VPS41: variants seen among roughly 807,000 people sequenced by gnomAD.
VPS41 encodes vacuolar protein sorting-associated protein 41 homolog.
In VPS41, 85 loss-of-function variants were observed where a neutral mutation model predicts 130.9. The ratio of observed to expected loss-of-function variants is 0.65; its 90% CI spans 0.55 to 0.78. VPS41 has a LOEUF of 0.78. Ranked by LOEUF, VPS41 falls within the 30% of genes least tolerant of loss-of-function variation. The probability of loss-of-function intolerance (pLI) is 0.00; values close to 1 mark genes in which losing one functional copy is unlikely to be tolerated. For missense variants in VPS41, 874 were observed against 1,018.7 expected, an observed-to-expected ratio of 0.86 and a Z score of 1.93; for synonymous variants, 335 against 332.9, an observed-to-expected ratio of 1.01 and a Z score of -0.07.
At chr7:38,754,826 CTCT>C in intron 20 of VPS41, 66 bp downstream of exon 20, 1 of 1,584,382 alleles carries the variant, frequency 6.3e-7, no homozygotes, top group Non-Finnish European at 8.7e-7. Context: ...CTGATAAACT[CTCT>C]TCTTCACAGC....
intron 6 of VPS41, among the ~76,000 whole-genome samples, chr7:38,820,545 T>C (rs913872289): frequency 1.3e-5 from 2 of 152,208 alleles, no homozygotes; most frequent in African/African-American, 4.8e-5. Flanking sequence ...TAAAGCTTAG[T>C]TCAGTTTATT....
Position 38,814,374 on chromosome 7 carries a change from G to A in VPS41, c.450+3443C>T, listed in dbSNP as rs576009317. Among the ~76,000 whole-genome samples the A allele has an allele frequency of 5.2e-4, 79 of 152,216 alleles. 2 individuals are homozygous for A. In the South Asian group the frequency reaches 0.012, roughly 24 times the overall value. ...CACTGATTATTAAAGAACACAGGCC[G>A]GGCGTGGTGGCTCACGCCTGTAAGC... is the stretch of plus-strand genomic sequence containing the variant. On this transcript the variant is annotated intron_variant, in intron 7 of 28. Transcript: ENST00000310301.
At chr7:38,742,257 T>A (rs1205678342) in intron 24 of VPS41, 136 bp from the exon 25 acceptor site, 4 of 780,210 alleles carry the variant, frequency 5.1e-6, no homozygotes, top group Non-Finnish European at 7.8e-6. Flanking sequence ...AAGTAAGTGT[T>A]AAAACCATTT....
intron 4 of VPS41, among the ~76,000 whole-genome samples, chr7:38,859,034 T>C (rs953069289): frequency 1.3e-5 from 2 of 152,060 alleles, no homozygotes; most frequent in African/African-American, 4.8e-5. Context: ...GACAGTGATA[T>C]TGATGATCCT....
intron 22 of VPS41, among the ~76,000 whole-genome samples, chr7:38,746,884 T>C (rs1227553805): frequency 6.6e-6 from 1 of 152,038 alleles, no homozygotes; most frequent in Non-Finnish European, 1.5e-5. Flanking sequence ...CTACCTTACG[T>C]CATGAGGTCA....
intron 6 of VPS41, among the ~76,000 whole-genome samples, chr7:38,819,827 C>T (rs771561890): frequency 6.6e-6 from 1 of 152,174 alleles, no homozygotes; most frequent in African/African-American, 2.4e-5. Context: ...TCAGTCTTCT[C>T]TTCTCACTCT....
intron 14 of VPS41, among the ~76,000 whole-genome samples, chr7:38,770,441 T>TTTTA (rs1784134310): frequency 6.6e-6 from 1 of 151,816 alleles, no homozygotes. Flanking sequence ...TTTTTTTTTT[T>TTTTA]AAGATGCTCT....
chr7:38,829,689 T>C (rs1785349884), intron 5 of VPS41, among the ~76,000 whole-genome samples: 1 of 152,242 alleles, frequency 6.6e-6, no homozygotes, highest in South Asian at 2.1e-4. Context: ...ACAAATGATG[T>C]ATGTCCTTGG....
intron 7 of VPS41, among the ~76,000 whole-genome samples, chr7:38,804,832 T>C (rs1784807825): frequency 6.6e-6 from 1 of 152,348 alleles, no homozygotes; most frequent in Non-Finnish European, 1.5e-5. Context: ...ATTTCAGAAA[T>C]GACTAGGACA....
At position 38,862,567 on chromosome 7, in the gene VPS41, T is replaced by C; in HGVS notation, c.224A>G (p.Asn75Ser). 2 of 1,608,662 alleles carry C rather than the reference T, an allele frequency of 1.2e-6. No homozygotes were observed. The highest frequency in any genetic ancestry group is 1.7e-6 in the Non-Finnish European group (2 of 1,177,018). ...TACTACATCAAACTTCTGAGTGATG[T>C]TCCCCTGGACATCAAGTAAATAAAC... Reference protein sequence around the residue: ...GKVYLLDVQGNITQKFDVSPV... With the variant: ...GKVYLLDVQGSITQKFDVSPV... The change falls in exon 4 of 29, where the codon AAC becomes AGC. Residue 75 changes from asparagine to serine, a missense_variant. Physicochemically the swap from Asn to Ser is conservative, Grantham distance 46. Coordinates refer to ENST00000310301, the MANE Select transcript of VPS41 (RefSeq NM_014396.4).
chr7:38,906,983 C>T (rs543418631), intron 1 of VPS41, among the ~76,000 whole-genome samples: 60 of 150,968 alleles, frequency 4.0e-4, no homozygotes, highest in Non-Finnish European at 7.1e-4. Context: ...TATTAAGTAA[C>T]AAGCAATATT....
intron 11 of VPS41, 130 bp downstream of exon 11, chr7:38,776,549 C>T: frequency 1.8e-6 from 1 of 553,854 alleles, no homozygotes; most frequent in Non-Finnish European, 3.4e-6. Context: ...GTAATCTCTG[C>T]CAACCTTATT....
chr7:38,889,907 T>C (rs1250628765), intron 2 of VPS41, among the ~76,000 whole-genome samples: 3 of 152,130 alleles, frequency 2.0e-5, no homozygotes, highest in African/African-American at 4.8e-5. Context: ...ATTTAAACAA[T>C]TGCACTTAAA....
intron 4 of VPS41, among the ~76,000 whole-genome samples, chr7:38,846,662 G>A (rs954025372): frequency 7.2e-5 from 11 of 152,130 alleles, no homozygotes; most frequent in Non-Finnish European, 1.3e-4. Context: ...AGATTACTTG[G>A]GCAGCTGTGT....
intron 4 of VPS41, among the ~76,000 whole-genome samples, chr7:38,840,877 A>G (rs1187590399): frequency 6.6e-6 from 1 of 152,164 alleles, no homozygotes; most frequent in Non-Finnish European, 1.5e-5. Flanking sequence ...CCGGGAACAG[A>G]TAGTGAAAAG....
chr7:38,745,435 TA>T, intron 23 of VPS41, 123 bp downstream of exon 23: 1 of 753,210 alleles, frequency 1.3e-6, no homozygotes, highest in Non-Finnish European at 2.3e-6. Context: ...TAAATTATTG[TA>T]AAAATAGGCT....
At chr7:38,908,081 TA>T (rs1464611354) in intron 1 of VPS41, among the ~76,000 whole-genome samples, 2 of 152,200 alleles carry the variant, frequency 1.3e-5, no homozygotes, top group African/African-American at 4.8e-5. Flanking sequence ...AAATTTTCAC[TA>T]TGAAGTAAAA....
chr7:38,793,155 T>C (rs1158261941), intron 9 of VPS41, among the ~76,000 whole-genome samples: 1 of 152,214 alleles, frequency 6.6e-6, no homozygotes, highest in African/African-American at 2.4e-5. Flanking sequence ...TACTTACTTG[T>C]TTTTGTCCAC....
chr7:38,827,573 C>T (rs1259795339), intron 5 of VPS41, among the ~76,000 whole-genome samples: 1 of 152,182 alleles, frequency 6.6e-6, no homozygotes, highest in Non-Finnish European at 1.5e-5. Context: ...ATATCCCCTG[C>T]ACCTCACAAC....
Sources: allele counts gnomAD v4.1 joint callset (sites outside exome capture counted in the v4.1 genomes callset), GRCh38; gene constraint gnomAD v4.1.1; transcripts MANE v1.5; gene names NCBI Gene and HGNC (gene_info 2026-07-23, HGNC 2026-07-21).